Variants in HIVEP3 observed in about 807,000 individuals in gnomAD.
HIVEP3 encodes transcription factor HIVEP3.
Under a neutral mutation model 152.8 loss-of-function variants are expected in HIVEP3, and 49 were observed. The observed-to-expected ratio is 0.32, with a 90% CI of 0.26 to 0.41. The LOEUF is 0.41. HIVEP3 is among the 10% of genes least tolerant of loss of function. The probability of loss-of-function intolerance (pLI) is 1.00; values close to 1 mark genes in which losing one functional copy is unlikely to be tolerated. For missense variants in HIVEP3, 2,790 were observed against 3,103.3 expected, an observed-to-expected ratio of 0.90 and a Z score of 2.40; for synonymous variants, 1,269 against 1,289.0, an observed-to-expected ratio of 0.98 and a Z score of 0.33.
chr1:41,863,227 A>G (rs910210203), intron 1 of HIVEP3, among the ~76,000 whole-genome samples: 21 of 152,198 alleles, frequency 1.4e-4, no homozygotes, highest in African/African-American at 4.8e-4. Context: ...TGGGGAGCTG[A>G]AAGTAAACTG....
rs74404213 is a variant in HIVEP3, at chr1:41,520,112, T to C, written c.5384-1624A>G. The stretch of plus-strand genomic sequence containing the variant: ...AAAACAATTAGATGAGATGGATGGA[T>C]AGGTGACCAGGGAGAGGGCCCATGG... On this transcript the variant is annotated intron_variant, in intron 6 of 8. Transcript: ENST00000372583. 2.3e-4 allele frequency among the ~76,000 whole-genome samples: 35 copies of C among 152,260 alleles called. 1 individual carries two copies. The East Asian group carries it at 6.8e-3, about 29-fold the overall frequency.
intron 1 of HIVEP3, among the ~76,000 whole-genome samples, chr1:41,706,814 G>A (rs1343733892): frequency 6.6e-6 from 1 of 152,142 alleles, no homozygotes; most frequent in Admixed American, 6.5e-5. Context: ...CTGTTCCGCC[G>A]ATGTTCTGAG....
chr1:41,570,302 C>T (rs1244901470), intron 5 of HIVEP3, among the ~76,000 whole-genome samples: 1 of 152,174 alleles, frequency 6.6e-6, no homozygotes, highest in African/African-American at 2.4e-5. Flanking sequence ...CCCAAAATCT[C>T]ATTTGAATTG....
At chr1:42,025,594 A>T (rs1315008590) in intron 1 of HIVEP3, among the ~76,000 whole-genome samples, 2 of 152,176 alleles carry the variant, frequency 1.3e-5, no homozygotes, top group Admixed American at 6.5e-5. Flanking sequence ...TGTACTGCTC[A>T]TTGACCCTTG....
rs200540746 is a variant in HIVEP3 at position 41,582,010 on chromosome 1, G to C, written c.2788C>G (p.Arg930Gly). The change falls in exon 4 of 9, where the codon CGC (arginine) becomes GGC (glycine). Residue 930 changes from arginine (R) to glycine (G), a missense_variant. By Grantham distance (125) the Arg-to-Gly change is moderately radical (BLOSUM62 -2). This residue lies in a region of HIVEP3 where 1,078 missense variants were observed against 1,165.3 expected (regional missense o/e 0.93). Coordinates refer to ENST00000372583, the MANE Select transcript of HIVEP3 (RefSeq NM_024503.5). The surrounding 1 kb of genome is among the most constrained non-coding windows in gnomAD (Gnocchi z 4.7). ...SSFESSVPLS[R>G]SPSQESNVSL... ...ACATTGCTTTCCTGGCTCGGGCTGC[G>C]AGACAGAGGCACAGAGGACTCGAAG... The C allele has an allele frequency of 3.1e-6, 5 of 1,614,182 alleles. No individual in the cohort carries two copies. The South Asian group carries it at 5.5e-5, about 18-fold the overall frequency.
intron 2 of HIVEP3, among the ~76,000 whole-genome samples, chr1:41,687,644 G>A (rs1646133789): frequency 6.6e-6 from 1 of 152,230 alleles, no homozygotes; most frequent in Non-Finnish European, 1.5e-5. Flanking sequence ...GGCGATGCTG[G>A]GAGCAATGAC....
At chr1:41,757,695 G>GTATTTATTTATTTATTTATT (rs56130199) in intron 1 of HIVEP3, among the ~76,000 whole-genome samples, 2,013 of 145,218 alleles carry the variant, frequency 0.014, 29 homozygotes, top group South Asian at 0.022. Flanking sequence ...TTTCTACTTT[G>GTATTTATTTATTTATTTATT]TATTTATTTA....
At chr1:41,762,489 G>A (rs1278511191) in intron 1 of HIVEP3, among the ~76,000 whole-genome samples, 5 of 152,242 alleles carry the variant, frequency 3.3e-5, no homozygotes, top group Admixed American at 1.3e-4. Context: ...TAAAGGAGCT[G>A]TTAGCATGCT....
intron 1 of HIVEP3, among the ~76,000 whole-genome samples, chr1:41,774,644 TA>T (rs1362411447): frequency 6.6e-6 from 1 of 152,178 alleles, no homozygotes; most frequent in Non-Finnish European, 1.5e-5. Flanking sequence ...TCTTTCCCAA[TA>T]AAAGGAGTTG....
At chr1:41,905,188 T>C (rs925418130) in intron 1 of HIVEP3, among the ~76,000 whole-genome samples, 16 of 152,158 alleles carry the variant, frequency 1.1e-4, no homozygotes, top group Admixed American at 6.5e-5. Context: ...TGGGATCCCT[T>C]ATAGTTTATA....
intron 1 of HIVEP3, among the ~76,000 whole-genome samples, chr1:41,865,294 G>A (rs1347914123): frequency 6.6e-6 from 1 of 152,138 alleles, no homozygotes; most frequent in Non-Finnish European, 1.5e-5. Context: ...TCCTACCAAG[G>A]GGCATCACCA....
At chr1:41,719,138 G>A (rs991057280) in intron 1 of HIVEP3, among the ~76,000 whole-genome samples, 1 of 152,222 alleles carries the variant, frequency 6.6e-6, no homozygotes, top group Non-Finnish European at 1.5e-5. Context: ...AGGACAACCA[G>A]GTACCCTGGA....
chr1:41,807,026 C>T (rs1321984405), intron 1 of HIVEP3, among the ~76,000 whole-genome samples: 1 of 43,882 alleles, frequency 2.3e-5, no homozygotes, highest in Admixed American at 2.0e-4. Context: ...TCCTCCCCGC[C>T]CAGCCCACCT....
At chr1:41,573,892 G>C (rs1311815207) in intron 5 of HIVEP3, among the ~76,000 whole-genome samples, 1 of 152,078 alleles carries the variant, frequency 6.6e-6, no homozygotes, top group Non-Finnish European at 1.5e-5. Context: ...GAGGGAGTAG[G>C]ACCCATACCA....
chr1:41,867,557 G>A (rs746467238), intron 1 of HIVEP3, among the ~76,000 whole-genome samples: 7 of 152,172 alleles, frequency 4.6e-5, no homozygotes, highest in Non-Finnish European at 8.8e-5. Flanking sequence ...CTAGGCCGCA[G>A]GATGGCCTTC....
At chr1:41,707,817 G>C (rs6600386) in intron 1 of HIVEP3, among the ~76,000 whole-genome samples, 15,777 of 152,230 alleles carry the variant, frequency 0.1, 2,713 homozygotes, top group African/African-American at 0.36. Flanking sequence ...ATGATTTACT[G>C]CATGCCAAGT....
intron 3 of HIVEP3, among the ~76,000 whole-genome samples, chr1:41,606,015 C>T (rs919087187): frequency 2.0e-5 from 3 of 152,172 alleles, no homozygotes; most frequent in African/African-American, 7.2e-5. Context: ...GGTGTGGTTA[C>T]AAAGTCCATT....
intron 5 of HIVEP3, among the ~76,000 whole-genome samples, chr1:41,572,227 T>C (rs4511101): frequency 0.18 from 27,555 of 152,188 alleles, 3,088 homozygotes; most frequent in Non-Finnish European, 0.27. Flanking sequence ...GGTGAGGTCC[T>C]GGCTGGAGAC....
chr1:41,774,341 T>C (rs569548091), intron 1 of HIVEP3, among the ~76,000 whole-genome samples: 5 of 152,360 alleles, frequency 3.3e-5, no homozygotes, highest in African/African-American at 7.2e-5. Flanking sequence ...GTTTTTTCTA[T>C]AGCACAAGCT....
Sources: gnomAD v4.1 joint callset for allele counts (sites outside exome capture counted in the v4.1 genomes callset) on GRCh38, gnomAD v4.1.1 for gene constraint, gnomAD v4.1.1 regional missense constraint, Gnocchi (gnomAD v3.1) non-coding constraint, MANE v1.5 for transcripts, NCBI Gene and HGNC (gene_info 2026-07-23, HGNC 2026-07-21) for gene names.